Variants in ARMCX4 observed in about 807,000 individuals in gnomAD.
ARMCX4 encodes armadillo repeat containing X-linked 4.
Under a neutral mutation model 34.7 loss-of-function variants are expected in ARMCX4, and 3 were observed. The observed-to-expected ratio is 0.09, with a 90% CI of 0.04 to 0.22. The LOEUF (loss-of-function observed/expected upper bound fraction) is 0.22, where lower values mean the gene tolerates loss of function less well. Ranked by LOEUF, ARMCX4 falls within the 10% of genes least tolerant of loss-of-function variation. The pLI is 1.00. For synonymous variants in ARMCX4, 513 were observed against 632.8 expected, an observed-to-expected ratio of 0.81 and a Z score of 2.84; for missense variants, 1,448 against 1,720.8, an observed-to-expected ratio of 0.84 and a Z score of 2.81.
At chrX:101,432,022 T>C in intron 2 of ARMCX4, among the ~76,000 whole-genome samples, 1 of 112,869 alleles carries the variant, frequency 8.9e-6, no homozygotes, top group South Asian at 3.6e-4. Flanking sequence ...TGGCATATTT[T>C]CCTCCAGCTT....
intron 2 of ARMCX4, among the ~76,000 whole-genome samples, chrX:101,436,658 T>C (rs1164672634): frequency 1.8e-5 from 2 of 111,230 alleles, no homozygotes; most frequent in African/African-American, 3.3e-5. Flanking sequence ...CCTAATTGCC[T>C]TGGCCAGAAC....
chrX:101,471,426 A>C (rs782807686), intron 4 of ARMCX4, among the ~76,000 whole-genome samples: 5 of 112,410 alleles, frequency 4.4e-5, no homozygotes, highest in Non-Finnish European at 9.4e-5. Flanking sequence ...TTTATGCTAG[A>C]AACCTTATGG....
At chrX:101,443,128 CT>C (rs372970955) in intron 2 of ARMCX4, among the ~76,000 whole-genome samples, 5 of 51,284 alleles carry the variant, frequency 9.7e-5, no homozygotes, top group African/African-American at 3.1e-4. Flanking sequence ...GAGACTCCGT[CT>C]CAAAAAAAAA....
At chrX:101,452,098 C>A (rs1932018307), downstream of ARMCX4, among the ~76,000 whole-genome samples, 1 of 111,910 alleles carries the variant, frequency 8.9e-6, no homozygotes, top group Non-Finnish European at 1.9e-5. Context: ...ACATTCCACA[C>A]CGAATATATA....
At chrX:101,503,702 G>A (rs1361222824) in intron 7 of ARMCX4, among the ~76,000 whole-genome samples, 1 of 111,465 alleles carries the variant, frequency 9.0e-6, no homozygotes, top group East Asian at 2.8e-4. Flanking sequence ...TGTCAGATGA[G>A]TAGATTGCAA....
At chrX:101,422,178 G>T (rs1929314369) in intron 2 of ARMCX4, among the ~76,000 whole-genome samples, 1 of 108,611 alleles carries the variant, frequency 9.2e-6, no homozygotes, top group Non-Finnish European at 1.9e-5. Flanking sequence ...ACTATGCCAG[G>T]CCAATTTTTG....
At chrX:101,444,186 C>T in intron 3 of ARMCX4, 1 of 242,384 alleles carries the variant, frequency 4.1e-6, no homozygotes. Flanking sequence ...TGGCAGAGGT[C>T]TCTGTGTGTC....
At chrX:101,463,214 A>G (rs1023554567) in intron 4 of ARMCX4, among the ~76,000 whole-genome samples, 7 of 111,539 alleles carry the variant, frequency 6.3e-5, no homozygotes, top group African/African-American at 2.3e-4. Context: ...CACTTTACAT[A>G]CAGCTGCTCA....
intron 2 of ARMCX4, among the ~76,000 whole-genome samples, chrX:101,438,342 A>T (rs1255465735): frequency 8.9e-6 from 1 of 111,885 alleles, no homozygotes; most frequent in African/African-American, 3.3e-5. Context: ...AAGTGGGCGG[A>T]TCACGAGGTC....
downstream of ARMCX4, among the ~76,000 whole-genome samples, chrX:101,452,867 T>TTTATTATTATTATTATTA (rs10634734): frequency 5.8e-4 from 59 of 102,158 alleles, 1 homozygote; most frequent in Admixed American, 2.4e-3. Context: ...GGCTGTTTGT[T>TTTATTATTATTATTATTA]TTATTATTAT....
At chrX:101,436,158 T>C (rs1235519980) in intron 2 of ARMCX4, among the ~76,000 whole-genome samples, 2 of 108,291 alleles carry the variant, frequency 1.8e-5, no homozygotes, top group Non-Finnish European at 3.9e-5. Flanking sequence ...AACTTTAAAG[T>C]AGTTTTTTCC....
chrX:101,527,557 A>G (rs1472654128), intron 11 of ARMCX4, among the ~76,000 whole-genome samples: 1 of 111,760 alleles, frequency 8.9e-6, no homozygotes, highest in Non-Finnish European at 1.9e-5. Flanking sequence ...TTTTTTGAAA[A>G]GATCAACAAA....
intron 1 of ARMCX4, among the ~76,000 whole-genome samples, 179 bp from the exon 2 acceptor site, chrX:101,485,844 C>T (rs1556006641): frequency 9.0e-6 from 1 of 111,650 alleles, no homozygotes. Context: ...GTGGCGTTTG[C>T]AGAGAAAATG....
intron 2 of ARMCX4, among the ~76,000 whole-genome samples, chrX:101,440,677 G>C (rs12836456): frequency 9.0e-6 from 1 of 111,177 alleles, no homozygotes; most frequent in Non-Finnish European, 1.9e-5. Flanking sequence ...GCAATGGCAG[G>C]CGCCCCTCCC....
In ARMCX4 at chrX:101,528,515, T is replaced by C. The variant is rs186101377; in HGVS notation, c.*1781-3129T>C. 2.8e-3 allele frequency among the ~76,000 whole-genome samples: 314 copies of C among 111,352 alleles called. 1 individual carries two copies. Among genetic ancestry groups the C allele is most frequent in the Non-Finnish European group, 4.5e-3 (237 of 53,091 alleles). The stretch of plus-strand genomic sequence containing the variant: ...AGGCAGGAGAAAGAAATAAAGTGTA[T>C]TCAATTAGGAAAAGAGGAAGTCAAA... On this transcript the variant is annotated intron_variant and NMD_transcript_variant, in intron 11 of 12. Coordinates refer to the ARMCX4 transcript ENST00000354842.
rs925945871 is a variant in ARMCX4 at position 101,455,961 on chromosome X, C to A, written c.-473+9917C>A. Among the ~76,000 whole-genome samples the A allele has an allele frequency of 4.4e-4, 49 of 111,654 alleles. 1 individual carries two copies. In the Admixed American group the frequency reaches 4.7e-3, roughly 11 times the overall value. On this transcript the variant is annotated intron_variant and NMD_transcript_variant, in intron 4 of 15. Coordinates refer to the ARMCX4 transcript ENST00000433011. ...GTTTGCTTAGGATTATGGCCTCCAG[C>A]TGCATTGGTGTTGCTGCAAAGAACA... is the stretch of plus-strand genomic sequence containing the variant.
intron 2 of ARMCX4, among the ~76,000 whole-genome samples, chrX:101,426,972 A>T (rs1414392856): frequency 1.8e-5 from 2 of 112,315 alleles, no homozygotes; most frequent in Non-Finnish European, 3.8e-5. Flanking sequence ...CTTTTCCAGA[A>T]ACTCTCTAGC....
At chrX:101,425,637 C>T (rs1168313582) in intron 2 of ARMCX4, among the ~76,000 whole-genome samples, 2 of 109,734 alleles carry the variant, frequency 1.8e-5, no homozygotes, top group Non-Finnish European at 3.8e-5. Context: ...TCAGGTGATC[C>T]GCCTACCTCA....
intron 4 of ARMCX4, among the ~76,000 whole-genome samples, chrX:101,472,183 G>A (rs1556003165): frequency 1.4e-4 from 6 of 44,084 alleles, no homozygotes; most frequent in African/African-American, 1.9e-4. Flanking sequence ...GAGCCGATGC[G>A]ATCAACTGGA....
Sources: allele counts gnomAD v4.1 joint callset (sites outside exome capture counted in the v4.1 genomes callset), GRCh38; gene constraint gnomAD v4.1.1; transcripts MANE v1.5; gene names NCBI Gene and HGNC (gene_info 2026-07-23, HGNC 2026-07-21).